TIPIN: variants seen among roughly 807,000 people sequenced by gnomAD.
TIPIN encodes the protein TIMELESS-interacting protein.
Under a neutral mutation model 35.6 loss-of-function variants are expected in TIPIN, and 29 were observed. That is an observed-to-expected ratio of 0.82 (90% CI 0.61 to 1.11). The LOEUF (loss-of-function observed/expected upper bound fraction) is 1.11, where lower values mean the gene tolerates loss of function less well. Ranked by LOEUF, TIPIN falls within the 50% of genes most tolerant of loss-of-function variation. TIPIN has a pLI of 0.00. For synonymous variants in TIPIN, 102 were observed against 121.5 expected (o/e 0.84, Z 1.06); for missense variants, 296 against 345.4 (o/e 0.86, Z 1.13).
intron 6 of TIPIN, among the ~76,000 whole-genome samples, chr15:66,346,253 T>A (rs2093124591): frequency 6.7e-6 from 1 of 148,246 alleles, no homozygotes; most frequent in Non-Finnish European, 1.5e-5. Context: ...TGGCCTTAAT[T>A]TATCTTTTTT....
At position 66,370,716 on chromosome 15, in the gene TIPIN, T is replaced by C. The variant is rs577203973; in HGVS notation, c.-9+15891A>G. On this transcript the variant is annotated intron_variant, in intron 1 of 7. Coordinates refer to the TIPIN transcript ENST00000562124. ...AAAAAAGTAAGGTGGAATTTCTTCA[T>C]GTGAAATAACTTCCGTGTGCAATGA... Among the ~76,000 whole-genome samples the C allele has an allele frequency of 1.3e-3, 201 of 152,328 alleles. 1 individual carries two copies. Among genetic ancestry groups the C allele is most frequent in the African/African-American group, 4.8e-3 (200 of 41,582 alleles).
At chr15:66,343,701 A>T (rs182369564) in intron 6 of TIPIN, among the ~76,000 whole-genome samples, 1 of 152,340 alleles carries the variant, frequency 6.6e-6, no homozygotes, top group East Asian at 1.9e-4. Flanking sequence ...AGAAACAAGC[A>T]TTAGAGCCAC....
chr15:66,381,830 G>A (rs1055880657), intron 1 of TIPIN, among the ~76,000 whole-genome samples: 1 of 152,202 alleles, frequency 6.6e-6, no homozygotes, highest in Non-Finnish European at 1.5e-5. Context: ...TTGGGAGGCC[G>A]AGGTGGGTGG....
chr15:66,383,444 G>T (rs562608022), intron 1 of TIPIN: 1 of 235,074 alleles, frequency 4.3e-6, no homozygotes, highest in East Asian at 1.8e-4. Flanking sequence ...TGTATTTTTA[G>T]TAAAGACAGG....
At chr15:66,337,766 CA>C (rs199560907) in intron 7 of TIPIN, among the ~76,000 whole-genome samples, 29,248 of 67,840 alleles carry the variant, frequency 0.43, 3,064 homozygotes, top group East Asian at 0.58. Flanking sequence ...AACAAAACAT[CA>C]AAAAAAATAA....
intron 6 of TIPIN, among the ~76,000 whole-genome samples, chr15:66,345,988 C>G (rs951062758): frequency 6.6e-6 from 1 of 151,482 alleles, no homozygotes; most frequent in Non-Finnish European, 1.5e-5. Flanking sequence ...CTCTTTTTGC[C>G]CAGGCTGGAG....
chr15:66,374,568 T>TTTTG (rs561296488), intron 1 of TIPIN, among the ~76,000 whole-genome samples: 1 of 151,740 alleles, frequency 6.6e-6, no homozygotes, highest in Non-Finnish European at 1.5e-5. Flanking sequence ...GGCTAATTTT[T>TTTTG]TTTGTTTGTT....
In TIPIN at chr15:66,336,994, A is replaced by C; in HGVS notation, c.870T>G (p.Leu290=). ...CAGTAATATTTCTGGATGTAGCATC[A>C]AGTTGCTGTTGCACATTTTTAAAAG... ...DQSFKNVQQQ[L]DATSRNITEA... The change falls in exon 8 of 8, where the codon CTT becomes CTG. Residue 290 remains leucine, a synonymous_variant. Coordinates refer to ENST00000261881, the MANE Select transcript of TIPIN (RefSeq NM_017858.3). 6.2e-7 allele frequency: 1 copy of C among 1,613,324 alleles called. No individual in the cohort carries two copies. The highest frequency in any genetic ancestry group is 1.3e-5 in the African/African-American group (1 of 75,066).
chr15:66,345,003 C>T (rs2093114365), intron 6 of TIPIN, among the ~76,000 whole-genome samples: 1 of 152,082 alleles, frequency 6.6e-6, no homozygotes, highest in Non-Finnish European at 1.5e-5. Flanking sequence ...TACAGGATGC[C>T]GTCATTGTAG....
chr15:66,385,496 CT>C (rs543148145), intron 1 of TIPIN, among the ~76,000 whole-genome samples: 49 of 146,606 alleles, frequency 3.3e-4, no homozygotes, highest in East Asian at 3.9e-4. Context: ...GATTAAAGTT[CT>C]TTTTTTTTTT....
upstream of TIPIN, chr15:66,356,835 T>C (rs2093207605): frequency 3.6e-6 from 2 of 554,902 alleles, no homozygotes; most frequent in Non-Finnish European, 4.6e-6. Flanking sequence ...GGTCCCACAA[T>C]TTCCGCCCTA....
At chr15:66,371,305 A>G (rs1389580886) in intron 1 of TIPIN, 95 of 984,630 alleles carry the variant, frequency 9.6e-5, no homozygotes, top group Non-Finnish European at 1.1e-4. Flanking sequence ...TATTTGTTAT[A>G]TAATTTAAAA....
At chr15:66,381,409 G>A (rs2093318190) in intron 1 of TIPIN, among the ~76,000 whole-genome samples, 1 of 152,062 alleles carries the variant, frequency 6.6e-6, no homozygotes, top group Admixed American at 6.6e-5. Context: ...CGGCACTCCA[G>A]CCCAGGTGAC....
intron 6 of TIPIN, among the ~76,000 whole-genome samples, chr15:66,343,476 T>C (rs1019963202): frequency 1.9e-4 from 29 of 152,158 alleles, no homozygotes; most frequent in African/African-American, 7.0e-4. Flanking sequence ...AGACAGACCT[T>C]TACAATTATT....
chr15:66,370,060 A>G (rs1289343128), intron 1 of TIPIN, among the ~76,000 whole-genome samples: 1 of 152,222 alleles, frequency 6.6e-6, no homozygotes, highest in Non-Finnish European at 1.5e-5. Flanking sequence ...CTCTCAAACC[A>G]GACTTGAAAA....
intron 1 of TIPIN, among the ~76,000 whole-genome samples, chr15:66,384,039 C>G (rs1024599610): frequency 1.3e-5 from 2 of 152,070 alleles, no homozygotes; most frequent in East Asian, 1.9e-4. Flanking sequence ...TTCTGTCGCC[C>G]AGGCTGGAGT....
At chr15:66,364,315 G>A (rs952782503) in intron 1 of TIPIN, among the ~76,000 whole-genome samples, 7 of 151,688 alleles carry the variant, frequency 4.6e-5, no homozygotes, top group East Asian at 2.0e-4. Context: ...ACAGATGGGC[G>A]CCGCCATGCC....
At chr15:66,343,573 GA>G (rs372819872) in intron 6 of TIPIN, among the ~76,000 whole-genome samples, 311 of 152,142 alleles carry the variant, frequency 2.0e-3, no homozygotes, top group African/African-American at 5.9e-3. Flanking sequence ...AGTGAAAAAC[GA>G]AAAGCCACTT....
chr15:66,371,077 G>T, intron 1 of TIPIN: 1 of 246,850 alleles, frequency 4.1e-6, no homozygotes, highest in Non-Finnish European at 6.5e-6. Flanking sequence ...CAGGTGTGGT[G>T]GCACATGCTG....
Sources: allele counts gnomAD v4.1 joint callset (sites outside exome capture counted in the v4.1 genomes callset), GRCh38; gene constraint gnomAD v4.1.1; transcripts MANE v1.5; gene names NCBI Gene and HGNC (gene_info 2026-07-23, HGNC 2026-07-21).